HTR2C: variants seen among roughly 807,000 people sequenced by gnomAD.
HTR2C encodes 5-hydroxytryptamine receptor 2C.
In HTR2C, 5 loss-of-function variants were observed where a neutral mutation model predicts 21.0. That is an observed-to-expected ratio of 0.24 (90% CI 0.12 to 0.50). The LOEUF is 0.50. Ranked by LOEUF, HTR2C falls within the 20% of genes least tolerant of loss-of-function variation. The pLI is 0.98. For synonymous variants in HTR2C, 150 were observed against 145.3 expected (o/e 1.03, Z -0.23); for missense variants, 271 against 371.2 (o/e 0.73, Z 2.22).
At chrX:114,875,706 A>G (rs1321920536) in intron 5 of HTR2C, among the ~76,000 whole-genome samples, 1 of 110,869 alleles carries the variant, frequency 9.0e-6, no homozygotes, top group Non-Finnish European at 1.9e-5. Context: ...CTATTTAACT[A>G]TATATATGTG....
At chrX:114,627,802 A>G (rs1444229711) in intron 2 of HTR2C, among the ~76,000 whole-genome samples, 7 of 112,173 alleles carry the variant, frequency 6.2e-5, no homozygotes, top group African/African-American at 2.3e-4. Context: ...AGCAAAAGAG[A>G]GACATTTTGT....
chrX:114,837,417 C>A (rs1042625568), intron 4 of HTR2C, among the ~76,000 whole-genome samples: 4 of 111,675 alleles, frequency 3.6e-5, no homozygotes, highest in African/African-American at 1.3e-4. Context: ...GCTGTTTAAT[C>A]TTTCTAATTT....
chrX:114,585,682 T>A (rs188030151), intron 1 of HTR2C, among the ~76,000 whole-genome samples: 64 of 111,468 alleles, frequency 5.7e-4, no homozygotes, highest in East Asian at 8.5e-4. Flanking sequence ...AACCCTGTAT[T>A]TTAAGCAACA....
chrX:114,738,118 G>T (rs934130593), intron 4 of HTR2C, among the ~76,000 whole-genome samples: 2 of 111,862 alleles, frequency 1.8e-5, no homozygotes, highest in Non-Finnish European at 3.8e-5. Flanking sequence ...AGAGGCTGGG[G>T]TGATATGGGG....
At chrX:114,705,220 A>G (rs1223127285) in intron 2 of HTR2C, among the ~76,000 whole-genome samples, 1 of 110,820 alleles carries the variant, frequency 9.0e-6, no homozygotes, top group East Asian at 2.8e-4. Context: ...TAAAGTTCAT[A>G]TGGAACCAAA....
intron 4 of HTR2C, among the ~76,000 whole-genome samples, chrX:114,802,678 C>T (rs1472344616): frequency 1.0e-5 from 1 of 98,491 alleles, no homozygotes. Flanking sequence ...CCATGCTATG[C>T]TTAGATTCTT....
At chrX:114,865,951 G>C (rs1176122792) in intron 5 of HTR2C, among the ~76,000 whole-genome samples, 1 of 110,711 alleles carries the variant, frequency 9.0e-6, no homozygotes, top group Admixed American at 9.7e-5. Context: ...GAGTAGCTAG[G>C]ATTACAGGCA....
intron 2 of HTR2C, among the ~76,000 whole-genome samples, chrX:114,643,049 A>G (rs1930199219): frequency 9.0e-6 from 1 of 111,454 alleles, no homozygotes; most frequent in African/African-American, 3.3e-5. Context: ...AGGAGACATG[A>G]TTTTTAAAAA....
At chrX:114,710,871 AG>A (rs1932882219) in intron 2 of HTR2C, among the ~76,000 whole-genome samples, 1 of 111,377 alleles carries the variant, frequency 9.0e-6, no homozygotes, top group African/African-American at 3.3e-5. Flanking sequence ...TCAGGCCAAA[AG>A]GTGTGTGGGA....
chrX:114,604,378 G>A (rs1194860842), intron 1 of HTR2C, among the ~76,000 whole-genome samples: 1 of 110,234 alleles, frequency 9.1e-6, no homozygotes, highest in African/African-American at 3.3e-5. Context: ...TAGAAGCCTG[G>A]CCGTCAATAC....
chrX:114,701,386 G>C (rs1602698432), intron 2 of HTR2C, among the ~76,000 whole-genome samples: 1 of 111,175 alleles, frequency 9.0e-6, no homozygotes, highest in Admixed American at 9.6e-5. Flanking sequence ...CAATCAGACA[G>C]CAGCATTCAC....
At chrX:114,829,560 C>T (rs1434958954) in intron 4 of HTR2C, among the ~76,000 whole-genome samples, 2 of 111,250 alleles carry the variant, frequency 1.8e-5, no homozygotes, top group African/African-American at 6.5e-5. Flanking sequence ...AATCCAAGGT[C>T]ACTAAGATTT....
chrX:114,845,855 A>T (rs932785925), intron 4 of HTR2C, among the ~76,000 whole-genome samples: 3 of 109,022 alleles, frequency 2.8e-5, no homozygotes, highest in Non-Finnish European at 3.8e-5. Context: ...ACAAAAAAAA[A>T]TTTAAAAATT....
At chrX:114,723,668 C>G (rs1181279006) in intron 2 of HTR2C, among the ~76,000 whole-genome samples, 1 of 110,091 alleles carries the variant, frequency 9.1e-6, no homozygotes, top group African/African-American at 3.3e-5. Flanking sequence ...TATAAATTTC[C>G]CTCTACACAC....
chrX:114,775,548 C>A, intron 4 of HTR2C: 1 of 496,422 alleles, frequency 2.0e-6, no homozygotes, highest in Non-Finnish European at 3.7e-6. Flanking sequence ...GACAGGAGGA[C>A]AGTCATGACT....
intron 2 of HTR2C, among the ~76,000 whole-genome samples, chrX:114,678,940 G>A (rs1020433352): frequency 9.0e-6 from 1 of 111,104 alleles, no homozygotes; most frequent in Non-Finnish European, 1.9e-5. Flanking sequence ...ACATCCTCCT[G>A]GGCTTCCTCA....
At chrX:114,835,681 C>G (rs368915173) in intron 4 of HTR2C, among the ~76,000 whole-genome samples, 1 of 111,889 alleles carries the variant, frequency 8.9e-6, no homozygotes, top group South Asian at 3.7e-4. Flanking sequence ...GTAATTTGAT[C>G]GTCTGAAGCC....
chrX:114,791,346 A>C (rs782113278), intron 4 of HTR2C, among the ~76,000 whole-genome samples: 28 of 112,355 alleles, frequency 2.5e-4, no homozygotes, highest in Non-Finnish European at 4.3e-4. Flanking sequence ...ACACCAACAC[A>C]TCAAAATTGA....
chrX:114,586,691 G>A (rs1436523546), intron 1 of HTR2C, among the ~76,000 whole-genome samples: 1 of 111,333 alleles, frequency 9.0e-6, no homozygotes, highest in African/African-American at 3.3e-5. Flanking sequence ...TTCAGATAAT[G>A]TAACAGGCTT....
Sources: allele counts gnomAD v4.1 joint callset (sites outside exome capture counted in the v4.1 genomes callset), GRCh38; gene constraint gnomAD v4.1.1; transcripts MANE v1.5; gene names NCBI Gene and HGNC (gene_info 2026-07-23, HGNC 2026-07-21).